Variants in L3MBTL4 observed in about 807,000 individuals in gnomAD.
L3MBTL4 encodes lethal(3)malignant brain tumor-like protein 4.
In L3MBTL4, 70 loss-of-function variants were observed where a neutral mutation model predicts 84.5. The observed-to-expected ratio is 0.83, with a 90% CI of 0.68 to 1.01. The LOEUF is 1.01. L3MBTL4 is among the 50% of genes least tolerant of loss of function. The pLI, the probability that L3MBTL4 is intolerant of heterozygous loss-of-function variation, is 0.00. For synonymous variants in L3MBTL4, 274 were observed against 259.8 expected (o/e 1.05, Z -0.52); for missense variants, 715 against 754.8 (o/e 0.95, Z 0.62).
At chr18:6,413,832 C>A (rs2056072587) in intron 1 of L3MBTL4, 2 of 152,350 alleles carry the variant, frequency 1.3e-5, no homozygotes, top group Non-Finnish European at 2.9e-5. Flanking sequence ...CAGGCCTTCC[C>A]TTTATTTAGT....
At chr18:6,310,137 A>T (rs548188030) in intron 3 of L3MBTL4, among the ~76,000 whole-genome samples, 14 of 152,328 alleles carry the variant, frequency 9.2e-5, no homozygotes, top group African/African-American at 3.1e-4. Flanking sequence ...AATAACTCTG[A>T]ACACATCAAA....
Position 6,276,878 on chromosome 18 carries a change from G to C in L3MBTL4, c.128-12840C>G, listed in dbSNP as rs563006334. Among the ~76,000 whole-genome samples the C allele has an allele frequency of 2.6e-5, 4 of 152,028 alleles. No individual in the cohort carries two copies. The East Asian group carries it at 7.8e-4, about 29-fold the overall frequency. On this transcript the variant is annotated intron_variant, in intron 4 of 18. Coordinates refer to ENST00000317931, the MANE Select transcript of L3MBTL4 (RefSeq NM_001330559.2). ...AAATAAGGAAGACAAGAAAAGAACG[G>C]AATTGCATCTTTAAAGCACTGAAAG...
chr18:6,030,398 A>G lies in L3MBTL4; in HGVS notation c.1444+50483T>C, dbSNP rs1210540662. On this transcript the variant is annotated intron_variant, in intron 16 of 18. Coordinates refer to ENST00000317931, the MANE Select transcript of L3MBTL4 (RefSeq NM_001330559.2). ...ATTAGACTGTGAAATGAAAGAAAGC[A>G]GGAACACAAACATATATACATCTTC... 4.1e-6 allele frequency: 4 copies of G among 985,296 alleles called. No individual in the cohort carries two copies. In the East Asian group the frequency reaches 4.5e-4, roughly 112 times the overall value. The allele number at this position is 985,296 out of a possible 1,614,324, so 61.0% of individuals were successfully genotyped here. A position where few individuals can be genotyped will look rare whatever the true frequency, so the allele number is the denominator to read the frequency against.
chr18:6,146,354 T>A (rs898216745), intron 13 of L3MBTL4, among the ~76,000 whole-genome samples: 1 of 151,524 alleles, frequency 6.6e-6, no homozygotes, highest in Non-Finnish European at 1.5e-5. Flanking sequence ...AGAAGAGAAG[T>A]CTGAGGACTG....
chr18:6,252,326 A>G (rs1446733731), intron 5 of L3MBTL4, among the ~76,000 whole-genome samples: 1 of 152,172 alleles, frequency 6.6e-6, no homozygotes, highest in Non-Finnish European at 1.5e-5. Flanking sequence ...AAAAAGAAAA[A>G]AGCAAGACAC....
At chr18:6,348,520 C>A (rs2053027932) in intron 1 of L3MBTL4, among the ~76,000 whole-genome samples, 1 of 152,048 alleles carries the variant, frequency 6.6e-6, no homozygotes, top group African/African-American at 2.4e-5. Flanking sequence ...ATGAATAGTA[C>A]TGGGGCCAAT....
At chr18:6,035,710 A>T (rs1391921305) in intron 16 of L3MBTL4, among the ~76,000 whole-genome samples, 1 of 152,048 alleles carries the variant, frequency 6.6e-6, no homozygotes, top group East Asian at 1.9e-4. Flanking sequence ...CTTGATGGGG[A>T]TGGCATTGAA....
chr18:6,406,425 G>T (rs35541705), intron 1 of L3MBTL4, among the ~76,000 whole-genome samples: 37,711 of 152,036 alleles, frequency 0.25, 5,369 homozygotes, highest in East Asian at 0.42. Context: ...TCCTTGTAGA[G>T]AATGTGCTTT....
intron 16 of L3MBTL4, among the ~76,000 whole-genome samples, chr18:5,973,749 C>A (rs758211800): frequency 3.3e-5 from 5 of 152,120 alleles, no homozygotes; most frequent in Admixed American, 6.5e-5. Context: ...AATGACAGGG[C>A]AGAAGGGTCA....
At chr18:5,980,430 CTTT>C (rs10664833) in intron 16 of L3MBTL4, among the ~76,000 whole-genome samples, 15 of 123,018 alleles carry the variant, frequency 1.2e-4, no homozygotes, top group African/African-American at 3.1e-4. Context: ...TTAGTTTGCG[CTTT>C]TTTTTTTTTT....
chr18:6,337,624 G>T (rs2052405894), intron 1 of L3MBTL4, among the ~76,000 whole-genome samples: 1 of 152,092 alleles, frequency 6.6e-6, no homozygotes, highest in Non-Finnish European at 1.5e-5. Context: ...TAGTACCTAA[G>T]AAAGGGTTTC....
chr18:6,223,973 C>G (rs2046669808), intron 10 of L3MBTL4, among the ~76,000 whole-genome samples: 1 of 151,902 alleles, frequency 6.6e-6, no homozygotes. Flanking sequence ...CTCAAGGTGA[C>G]TAATATTAAG....
chr18:6,045,990 C>T (rs537728114), intron 16 of L3MBTL4, among the ~76,000 whole-genome samples: 4 of 152,146 alleles, frequency 2.6e-5, no homozygotes, highest in Admixed American at 1.3e-4. Context: ...CTTCAAGAGG[C>T]CCATCTGACA....
chr18:6,106,809 A>T (rs1255317881), intron 14 of L3MBTL4, among the ~76,000 whole-genome samples: 3 of 152,214 alleles, frequency 2.0e-5, no homozygotes, highest in African/African-American at 7.2e-5. Flanking sequence ...AGTCAGGATT[A>T]GGAAGCAAAA....
intron 1 of L3MBTL4, among the ~76,000 whole-genome samples, chr18:6,329,536 T>C (rs561952996): frequency 3.3e-5 from 5 of 152,192 alleles, no homozygotes; most frequent in South Asian, 2.1e-4. Context: ...ACATAACACA[T>C]GAAACTGGGT....
chr18:5,976,469 G>A lies in L3MBTL4; in HGVS notation c.1445-6907C>T, dbSNP rs191959888. 2.8e-3 allele frequency among the ~76,000 whole-genome samples: 427 copies of A among 152,320 alleles called. 2 individuals carry two copies. Among genetic ancestry groups the A allele is most frequent in the Admixed American group, 4.3e-3 (65 of 15,294 alleles). On this transcript the variant is annotated intron_variant, in intron 16 of 18. Transcript: ENST00000317931. ...CAGACCCACCCTGGGTGCAGGAAGA[G>A]GCTGGGTGGCTGGATCCAATTAACA...
intron 1 of L3MBTL4, among the ~76,000 whole-genome samples, chr18:6,316,515 T>C (rs1599607215): frequency 6.6e-6 from 1 of 152,212 alleles, no homozygotes; most frequent in Non-Finnish European, 1.5e-5. Flanking sequence ...TATCCATTAC[T>C]GCAAACACAG....
intron 12 of L3MBTL4, among the ~76,000 whole-genome samples, chr18:6,200,030 C>T (rs1461864255): frequency 5.3e-5 from 8 of 152,110 alleles, no homozygotes; most frequent in Admixed American, 5.2e-4. Flanking sequence ...CAGCAGAAGC[C>T]ACTGATGGAA....
chr18:6,261,257 A>C, intron 5 of L3MBTL4, among the ~76,000 whole-genome samples: 1 of 152,242 alleles, frequency 6.6e-6, no homozygotes, highest in East Asian at 1.9e-4. Flanking sequence ...CACTTTGCAC[A>C]CACAGAGTCT....
Sources: gnomAD v4.1 joint callset for allele counts (sites outside exome capture counted in the v4.1 genomes callset) on GRCh38, gnomAD v4.1.1 for gene constraint, MANE v1.5 for transcripts, NCBI Gene and HGNC (gene_info 2026-07-23, HGNC 2026-07-21) for gene names.